CHODL: variants seen among roughly 807,000 people sequenced by gnomAD.
The protein encoded by CHODL is transmembrane protein MT75.
CHODL carries 29 observed loss-of-function variants against 34.5 expected under a neutral mutation model. That is an observed-to-expected ratio of 0.84 (90% confidence interval 0.63 to 1.15). The LOEUF (loss-of-function observed/expected upper bound fraction) is 1.15, where lower values mean the gene tolerates loss of function less well. Ranked by LOEUF, CHODL falls within the 50% of genes most tolerant of loss-of-function variation. The pLI, the probability that CHODL is intolerant of heterozygous loss-of-function variation, is 0.00. For synonymous variants in CHODL, 125 were observed against 116.1 expected, an observed-to-expected ratio of 1.08 and a Z score of -0.49; for missense variants, 332 against 332.5, an observed-to-expected ratio of 1.00 and a Z score of 0.01.
At chr21:17,956,551 C>A (rs2063495256) in intron 1 of CHODL, among the ~76,000 whole-genome samples, 1 of 136,680 alleles carries the variant, frequency 7.3e-6, no homozygotes, top group Non-Finnish European at 1.7e-5. Flanking sequence ...ACAAAAATAT[C>A]AAAGACTAGA....
chr21:18,195,039 ATT>A (rs752194004), intron 2 of CHODL, among the ~76,000 whole-genome samples: 4,920 of 150,290 alleles, frequency 0.033, 110 homozygotes, highest in Non-Finnish European at 0.05. Context: ...TTATTTATTT[ATT>A]TATTTATTTA....
chr21:18,195,371 C>T (rs1196585501), intron 2 of CHODL, among the ~76,000 whole-genome samples: 1 of 152,132 alleles, frequency 6.6e-6, no homozygotes, highest in Non-Finnish European at 1.5e-5. Flanking sequence ...TTATTATTAA[C>T]TATAGTCACC....
At chr21:18,067,529 C>T (rs569840666) in intron 2 of CHODL, among the ~76,000 whole-genome samples, 17 of 152,280 alleles carry the variant, frequency 1.1e-4, no homozygotes, top group South Asian at 4.1e-4. Context: ...GATTCTTCCT[C>T]GCAGCCCTTT....
At chr21:18,073,903 CTT>C (rs1259591866) in intron 2 of CHODL, among the ~76,000 whole-genome samples, 2 of 151,790 alleles carry the variant, frequency 1.3e-5, no homozygotes, top group East Asian at 1.9e-4. Flanking sequence ...ATAAAATAAA[CTT>C]TATTTTTAAA....
chr21:17,980,526 G>A (rs147198510), intron 1 of CHODL, among the ~76,000 whole-genome samples: 5 of 152,242 alleles, frequency 3.3e-5, no homozygotes, highest in African/African-American at 1.2e-4. Context: ...AATTTTTCAG[G>A]CCTGTACTTG....
chr21:17,949,440 T>C (rs577261906), intron 1 of CHODL, among the ~76,000 whole-genome samples: 2 of 152,320 alleles, frequency 1.3e-5, no homozygotes, highest in African/African-American at 2.4e-5. Context: ...TCCATTTCAT[T>C]CACTCAGAAA....
chr21:18,145,413 G>A (rs1362955391), intron 2 of CHODL, among the ~76,000 whole-genome samples: 1 of 141,000 alleles, frequency 7.1e-6, no homozygotes, highest in Non-Finnish European at 1.5e-5. Context: ...CTCCAGCCTA[G>A]GGGACGAGTG....
chr21:18,010,311 AAAAAAAAAAAAG>A lies in CHODL; in HGVS notation c.-144-17558_-144-17547del, dbSNP rs1254868282. 9.8e-3 allele frequency among the ~76,000 whole-genome samples: 1,452 copies of A among 148,478 alleles called. 25 individuals carry two copies. Among genetic ancestry groups the A allele is most frequent in the African/African-American group, 0.033 (1,337 of 40,340 alleles). On this transcript the variant is annotated intron_variant, in intron 1 of 6. Transcript: ENST00000400127. ...GACTCCCGTCTCAAAAAAAAAAAAAAAAAAAAAAAAAGAAGAAAAAGGAAAAAAAAAGAAAAC... is the reference window on the plus strand; with the variant it reads ...GACTCCCGTCTCAAAAAAAAAAAAAAAAGAAAAAGGAAAAAAAAAGAAAAC...
intron 2 of CHODL, among the ~76,000 whole-genome samples, chr21:18,123,649 C>T (rs1269062734): frequency 1.3e-5 from 2 of 152,062 alleles, no homozygotes; most frequent in African/African-American, 2.4e-5. Context: ...CCCACAATAA[C>T]TAACCTGCTC....
In CHODL at chr21:17,927,293, TG is replaced by T. The variant is rs147145816; in HGVS notation, c.-145+9894del. Among the ~76,000 whole-genome samples, 1,195 of 151,942 alleles carry T rather than the reference TG, an allele frequency of 7.9e-3. 19 individuals are homozygous for T. The highest frequency in any genetic ancestry group is 0.027 in the African/African-American group (1,108 of 41,428). On this transcript the variant is annotated intron_variant, in intron 1 of 6. Coordinates refer to the CHODL transcript ENST00000400127. Reference sequence around the variant, plus strand: ...AATGAGAGGGAGTTGAATATACCCCTGCCCACACGTATAGAATGGAATTTGG... The same window carrying T: ...AATGAGAGGGAGTTGAATATACCCCTCCCACACGTATAGAATGGAATTTGG...
chr21:18,177,762 TG>T (rs2073334283), intron 2 of CHODL, among the ~76,000 whole-genome samples: 1 of 152,156 alleles, frequency 6.6e-6, no homozygotes, highest in South Asian at 2.1e-4. Flanking sequence ...ACAACATTAA[TG>T]AATTATTTAA....
upstream of CHODL, among the ~76,000 whole-genome samples, chr21:18,244,404 GAGC>G (rs1332400683): frequency 6.6e-6 from 1 of 152,178 alleles, no homozygotes; most frequent in Non-Finnish European, 1.5e-5. Flanking sequence ...ATAATTCACT[GAGC>G]AGGTTTTGGC....
At chr21:18,148,305 A>C (rs781313430) in intron 2 of CHODL, among the ~76,000 whole-genome samples, 1 of 152,254 alleles carries the variant, frequency 6.6e-6, no homozygotes, top group Non-Finnish European at 1.5e-5. Context: ...CCATAAAACC[A>C]TAAATATTTT....
chr21:18,209,965 T>C (rs2073755834), intron 2 of CHODL, among the ~76,000 whole-genome samples: 2 of 152,178 alleles, frequency 1.3e-5, no homozygotes, highest in African/African-American at 4.8e-5. Flanking sequence ...CTCCTGGAGC[T>C]GCAAGCTGCA....
At chr21:18,207,702 C>G (rs1306321337) in intron 2 of CHODL, among the ~76,000 whole-genome samples, 4 of 22,800 alleles carry the variant, frequency 1.8e-4, no homozygotes, top group African/African-American at 5.9e-4. Context: ...CTTTATTTAT[C>G]TTTCATGTTT....
At chr21:17,969,994 CA>C (rs1268919587) in intron 1 of CHODL, among the ~76,000 whole-genome samples, 1 of 152,172 alleles carries the variant, frequency 6.6e-6, no homozygotes, top group Non-Finnish European at 1.5e-5. Context: ...TTACTCATTT[CA>C]AACCATGAGA....
At chr21:18,006,402 C>G (rs1183429500) in intron 1 of CHODL, among the ~76,000 whole-genome samples, 1 of 151,994 alleles carries the variant, frequency 6.6e-6, no homozygotes, top group Admixed American at 6.6e-5. Context: ...CTGATCCTAT[C>G]TTCCACCCCA....
chr21:17,984,443 C>T (rs533878826), intron 1 of CHODL, among the ~76,000 whole-genome samples: 10 of 152,242 alleles, frequency 6.6e-5, no homozygotes, highest in African/African-American at 2.4e-4. Context: ...TTGAGAACCT[C>T]CATTCCATTT....
chr21:18,068,795 A>G (rs1258153390), intron 2 of CHODL, among the ~76,000 whole-genome samples: 2 of 147,602 alleles, frequency 1.4e-5, no homozygotes, highest in Non-Finnish European at 3.0e-5. Context: ...TTTTTTTTTT[A>G]ACCCTAAACC....
Sources: gnomAD v4.1 joint callset for allele counts (sites outside exome capture counted in the v4.1 genomes callset) on GRCh38, gnomAD v4.1.1 for gene constraint, MANE v1.5 for transcripts, NCBI Gene and HGNC (gene_info 2026-07-23, HGNC 2026-07-21) for gene names.